The following ADAMTS2 variants were observed in gnomAD, a reference collection of about 807,000 sequenced individuals.
The protein encoded by ADAMTS2 is ADAM metallopeptidase with thrombospondin type 1 motif 2, also known as A disintegrin and metalloproteinase with thrombospondin motifs 2.
ADAMTS2 carries 50 observed loss-of-function variants against 123.0 expected under a neutral mutation model. That is an observed-to-expected ratio of 0.41 (90% CI 0.32 to 0.51). The LOEUF is 0.51. Ranked by LOEUF, ADAMTS2 falls within the 20% of genes least tolerant of loss-of-function variation. The pLI is 0.35. For missense variants in ADAMTS2, 1,494 were observed against 1,705.2 expected (o/e 0.88, Z 2.18); for synonymous variants, 678 against 695.4 (o/e 0.98, Z 0.39).
At chr5:179,318,546 C>T (rs1368884908) in intron 2 of ADAMTS2, among the ~76,000 whole-genome samples, 3 of 152,234 alleles carry the variant, frequency 2.0e-5, no homozygotes, top group Admixed American at 1.3e-4. Context: ...GCCAAGCACA[C>T]GCAGAGGGTG....
chr5:179,322,953 C>T lies in ADAMTS2; in HGVS notation c.534+20814G>A, dbSNP rs77835981. On this transcript the variant is annotated intron_variant, in intron 2 of 21. Coordinates refer to ENST00000251582, the MANE Select transcript of ADAMTS2 (RefSeq NM_014244.5). The stretch of plus-strand genomic sequence containing the variant: ...AGCACGGTGTGGAAGCAGGGCCGTG[C>T]CCAGCATGGGTGCGTGAGGACTGGA... Among the ~76,000 whole-genome samples, 33 of 152,344 alleles carry T rather than the reference C, an allele frequency of 2.2e-4. No individual in the cohort carries two copies. The East Asian group carries it at 6.4e-3, about 29-fold the overall frequency.
chr5:179,145,823 G>GA (rs1763241525), intron 10 of ADAMTS2, among the ~76,000 whole-genome samples: 1 of 152,154 alleles, frequency 6.6e-6, no homozygotes, highest in African/African-American at 2.4e-5. Context: ...TGAATACACT[G>GA]AAAATCACTG....
intron 5 of ADAMTS2, among the ~76,000 whole-genome samples, chr5:179,179,239 G>C (rs1561791784): frequency 1.3e-5 from 2 of 148,178 alleles, no homozygotes; most frequent in Non-Finnish European, 3.0e-5. Context: ...GAGCGACCAT[G>C]CCTGGCCCCT....
In ADAMTS2 at chr5:179,234,444, C is replaced by G. The variant is rs1023716973; in HGVS notation, c.689-26729G>C. Among the ~76,000 whole-genome samples the G allele has an allele frequency of 6.6e-6, 1 of 152,062 alleles. No homozygotes were observed. The highest frequency in any genetic ancestry group is 1.5e-5 in the Non-Finnish European group (1 of 68,012). ...GCTTCCGTGTGCAGGGCTTCACCCT[C>G]GCTCTCCTCTCTGCCTGCTCCACAC... On this transcript the variant is annotated intron_variant, in intron 3 of 21. Coordinates refer to ENST00000251582, the MANE Select transcript of ADAMTS2 (RefSeq NM_014244.5). The surrounding 1 kb of genome is among the most constrained non-coding windows in gnomAD (Gnocchi z 4.7).
chr5:179,179,167 AAACTCCTG>A (rs1448675358), intron 5 of ADAMTS2, among the ~76,000 whole-genome samples: 4 of 151,740 alleles, frequency 2.6e-5, no homozygotes, highest in Admixed American at 6.6e-5. Context: ...GGCTGGTCTC[AAACTCCTG>A]ACCTCAAGTG....
Position 179,113,772 on chromosome 5 carries a change from A to G in ADAMTS2, c.*95T>C. The stretch of plus-strand genomic sequence containing the variant: ...TTCTCAAAACCTTTTGGAATCAGGA[A>G]TTTTGACTTCATCTCCATGACACAG... On this transcript the variant is annotated 3_prime_UTR_variant, in exon 22 of 22. Transcript: ENST00000251582. The G allele has an allele frequency of 7.6e-7, 1 of 1,311,488 alleles. No homozygotes were observed. The highest frequency in any genetic ancestry group is 1.1e-6 in the Non-Finnish European group (1 of 911,412). 81.2% of individuals were successfully genotyped at this position (1,311,488 alleles called of 1,614,324 possible). A position where few individuals can be genotyped will look rare whatever the true frequency, so the allele number is the denominator to read the frequency against.
At chr5:179,114,828 C>T (rs78433007) in intron 21 of ADAMTS2, among the ~76,000 whole-genome samples, 10 of 152,268 alleles carry the variant, frequency 6.6e-5, no homozygotes, top group Admixed American at 1.3e-4. Context: ...ATCCCAGGGC[C>T]GCTGTGGCCC....
chr5:179,228,525 G>C lies in ADAMTS2; in HGVS notation c.689-20810C>G, dbSNP rs952323222. On this transcript the variant is annotated intron_variant, in intron 3 of 21. Coordinates refer to ENST00000251582, the MANE Select transcript of ADAMTS2 (RefSeq NM_014244.5). This position sits in a 1 kb window ranked among gnomAD's most constrained non-coding sequence, Gnocchi z 5.2. ...CCCAAAACCAGTGTGGGTGTGAAGC[G>C]GAAGGAGACTCTGCAGCAAGGCCCA... 1.3e-5 allele frequency among the ~76,000 whole-genome samples: 2 copies of C among 152,330 alleles called. No homozygotes were observed. Among genetic ancestry groups the C allele is most frequent in the East Asian group, 1.9e-4 (1 of 5,180 alleles).
At position 179,137,298 on chromosome 5, in the gene ADAMTS2, C is replaced by G. The variant is rs571551924; in HGVS notation, c.1951+471G>C. ...CACTGCCATGCCCAAGGCCACCAGA[C>G]TCCTCAGGTCCCTGAGCCAATAAAT... On this transcript the variant is annotated intron_variant, in intron 12 of 21. Coordinates refer to ENST00000251582, the MANE Select transcript of ADAMTS2 (RefSeq NM_014244.5). 1.2e-3 allele frequency among the ~76,000 whole-genome samples: 180 copies of G among 152,356 alleles called. 1 individual carries two copies. The highest frequency in any genetic ancestry group is 4.1e-3 in the African/African-American group (171 of 41,588).
rs1314771926 is a variant in ADAMTS2, at chr5:179,118,244, A to T, written c.3178+3417T>A. Among the ~76,000 whole-genome samples, 2 of 152,256 alleles carry T rather than the reference A, an allele frequency of 1.3e-5. No homozygotes were observed. Among genetic ancestry groups the T allele is most frequent in the Non-Finnish European group, 1.5e-5 (1 of 68,044 alleles). ...TTTCAAAATAGCCTAGAAAAATTTC[A>T]AAGTCATCATGACCAACTGATCTTA... On this transcript the variant is annotated intron_variant, in intron 21 of 21. Coordinates refer to ENST00000251582, the MANE Select transcript of ADAMTS2 (RefSeq NM_014244.5). The surrounding 1 kb of genome is among the most constrained non-coding windows in gnomAD (Gnocchi z 4.5).
chr5:179,176,983 G>T (rs1018564207), intron 5 of ADAMTS2, among the ~76,000 whole-genome samples: 1 of 151,826 alleles, frequency 6.6e-6, no homozygotes, highest in Non-Finnish European at 1.5e-5. Context: ...TCCTCCCGTT[G>T]CTTTTCCTGA....
At chr5:179,235,919 A>G (rs1267319997) in intron 3 of ADAMTS2, among the ~76,000 whole-genome samples, 1 of 152,188 alleles carries the variant, frequency 6.6e-6, no homozygotes, top group East Asian at 1.9e-4. Context: ...CTGCAGCCTC[A>G]GCCTCCTGTG....
In ADAMTS2 at chr5:179,245,765, CAAAAAAAAAAAAAA is replaced by C. The variant is rs1171837041; in HGVS notation, c.688+27132_688+27145del. On this transcript the variant is annotated intron_variant, in intron 3 of 21. Transcript: ENST00000251582. ...TGGGCGACAGAGCGAGACTCCGTCTCAAAAAAAAAAAAAAAAAAAAAAAAAAAAAACAAAAAAAA... is the reference window on the plus strand; with the variant it reads ...TGGGCGACAGAGCGAGACTCCGTCTCAAAAAAAAAAAAAAAACAAAAAAAA... Among the ~76,000 whole-genome samples, 6 of 17,210 alleles carry C rather than the reference CAAAAAAAAAAAAAA, an allele frequency of 3.5e-4. No homozygotes were observed. The South Asian group carries it at 0.032, about 93-fold the overall frequency. 11.3% of individuals were successfully genotyped at this position (17,210 alleles called of 152,430 possible).
chr5:179,334,718 A>G (rs1482656832), intron 2 of ADAMTS2, among the ~76,000 whole-genome samples: 2 of 152,232 alleles, frequency 1.3e-5, no homozygotes, highest in Non-Finnish European at 2.9e-5. Flanking sequence ...CCACAAAGAT[A>G]TATTAGAATT....
At position 179,287,440 on chromosome 5, in the gene ADAMTS2, G is replaced by A. The variant is rs574063469; in HGVS notation, c.535-14376C>T. Among the ~76,000 whole-genome samples, 62 of 152,292 alleles carry A rather than the reference G, an allele frequency of 4.1e-4. No individual in the cohort carries two copies. The South Asian group carries it at 0.012, about 30-fold the overall frequency. The stretch of plus-strand genomic sequence containing the variant: ...AGGCCACTCTCTCACGGTCCAGCAG[G>A]AGCCCTGCTCCAGAGCCCACGACTG... On this transcript the variant is annotated intron_variant, in intron 2 of 21. Coordinates refer to ENST00000251582, the MANE Select transcript of ADAMTS2 (RefSeq NM_014244.5).
rs1473795363 is a variant in ADAMTS2 at position 179,136,037 on chromosome 5, C to T, written c.1957G>A (p.Glu653Lys). Residue 653 changes from glutamate to lysine, a missense_variant, in exon 13 of 22, where the codon GAG becomes AAG. Coordinates refer to ENST00000251582, the MANE Select transcript of ADAMTS2 (RefSeq NM_014244.5). Reference protein sequence around the residue: ...WLPHEHRDAKERCHLYCESRE... With the variant: ...WLPHEHRDAKKRCHLYCESRE... The stretch of plus-strand genomic sequence containing the variant: ...GACTCGCAGTACAGGTGGCATCTCT[C>T]CTTGGCTGGAAGGGAAGCAGCTGGG... The T allele has an allele frequency of 3.7e-6, 6 of 1,613,366 alleles. No homozygotes were observed. Among genetic ancestry groups the T allele is most frequent in the Non-Finnish European group, 2.5e-6 (3 of 1,180,030 alleles).
rs763687753 is a variant in ADAMTS2 at position 179,256,385 on chromosome 5, C to T, written c.688+16526G>A. Among the ~76,000 whole-genome samples, 41 of 152,152 alleles carry T rather than the reference C, an allele frequency of 2.7e-4. No homozygotes were observed. The highest frequency in any genetic ancestry group is 1.3e-4 in the Admixed American group (2 of 15,278). On this transcript the variant is annotated intron_variant, in intron 3 of 21. Transcript: ENST00000251582. The surrounding 1 kb of genome is among the most constrained non-coding windows in gnomAD (Gnocchi z 4.1). The stretch of plus-strand genomic sequence containing the variant: ...TGAGGCCAAGGCAGCAGGACTCATC[C>T]AGAGACAGGACAGACCCTGGGCTCC...
rs1384702301 is a variant in ADAMTS2 at position 179,307,273 on chromosome 5, C to T, written c.535-34209G>A. 6.6e-6 allele frequency among the ~76,000 whole-genome samples: 1 copy of T among 152,194 alleles called. No homozygotes were observed. ...AGCATCGCACCCTGCAAGCCTCAGC[C>T]TTCAGGGACGGCAAGACCTGGGGCC... On this transcript the variant is annotated intron_variant, in intron 2 of 21. Coordinates refer to ENST00000251582, the MANE Select transcript of ADAMTS2 (RefSeq NM_014244.5). The surrounding 1 kb of genome is among the most constrained non-coding windows in gnomAD (Gnocchi z 5.6).
chr5:179,268,622 A>G lies in ADAMTS2; in HGVS notation c.688+4289T>C, dbSNP rs1382338297. Among the ~76,000 whole-genome samples, 4 of 152,220 alleles carry G rather than the reference A, an allele frequency of 2.6e-5. No individual in the cohort carries two copies. In the East Asian group the frequency reaches 5.8e-4, roughly 22 times the overall value. On this transcript the variant is annotated intron_variant, in intron 3 of 21. Coordinates refer to ENST00000251582, the MANE Select transcript of ADAMTS2 (RefSeq NM_014244.5). ...ACGTGGTCTTGGAGTCAGCCGCTCCAGGTCCCTTAACGCGGGCGGTGGGGG... is the reference window on the plus strand; with the variant it reads ...ACGTGGTCTTGGAGTCAGCCGCTCCGGGTCCCTTAACGCGGGCGGTGGGGG...
Sources: allele counts gnomAD v4.1 joint callset (sites outside exome capture counted in the v4.1 genomes callset), GRCh38; gene constraint gnomAD v4.1.1; non-coding constraint Gnocchi (gnomAD v3.1); transcripts MANE v1.5; gene names NCBI Gene and HGNC (gene_info 2026-07-23, HGNC 2026-07-21).